The following CPPED1 variants were observed in gnomAD, a reference collection of about 807,000 sequenced individuals.
CPPED1 encodes calcineurin like phosphoesterase domain containing 1.
Under a neutral mutation model 28.0 loss-of-function variants are expected in CPPED1, and 28 were observed. The ratio of observed to expected loss-of-function variants is 1.00; its 90% CI spans 0.74 to 1.37. CPPED1 has a LOEUF of 1.37. Ranked by LOEUF, CPPED1 falls within the 40% of genes most tolerant of loss-of-function variation. The pLI is 0.00. For synonymous variants in CPPED1, 198 were observed against 180.2 expected, an observed-to-expected ratio of 1.10 and a Z score of -0.79; for missense variants, 504 against 416.5, an observed-to-expected ratio of 1.21 and a Z score of -1.83.
chr16:12,791,460 T>G (rs1201271476), intron 1 of CPPED1, among the ~76,000 whole-genome samples: 1 of 152,232 alleles, frequency 6.6e-6, no homozygotes, highest in Admixed American at 6.5e-5. Context: ...TTGCTAATTT[T>G]GCCACCATCA....
chr16:12,790,444 G>A (rs1201954259), intron 1 of CPPED1, among the ~76,000 whole-genome samples: 1 of 152,112 alleles, frequency 6.6e-6, no homozygotes, highest in African/African-American at 2.4e-5. Flanking sequence ...AAAAGCAAAT[G>A]AATCACTGTT....
intron 2 of CPPED1, among the ~76,000 whole-genome samples, chr16:12,717,894 C>T (rs1030969101): frequency 2.0e-5 from 3 of 151,708 alleles, no homozygotes; most frequent in East Asian, 1.9e-4. Context: ...TGCTCACCTC[C>T]GCCTCTCAAA....
intron 1 of CPPED1, among the ~76,000 whole-genome samples, chr16:12,802,068 C>A (rs1463695946): frequency 6.6e-6 from 1 of 152,144 alleles, no homozygotes; most frequent in Non-Finnish European, 1.5e-5. Flanking sequence ...CTTCTCAGGG[C>A]TCCCCACTGG....
At chr16:12,703,885 G>C (rs1477258624) in intron 3 of CPPED1, among the ~76,000 whole-genome samples, 2 of 152,156 alleles carry the variant, frequency 1.3e-5, no homozygotes, top group African/African-American at 4.8e-5. Flanking sequence ...GCCTTAGAGT[G>C]CCATCAGAAA....
intron 3 of CPPED1, among the ~76,000 whole-genome samples, chr16:12,694,782 C>CTT (rs1567278252): frequency 6.8e-6 from 1 of 147,590 alleles, no homozygotes; most frequent in Non-Finnish European, 1.5e-5. Context: ...AAAACCCCCC[C>CTT]CTTTTTTTTT....
chr16:12,690,509 T>C (rs2079956778), intron 3 of CPPED1, among the ~76,000 whole-genome samples: 1 of 150,638 alleles, frequency 6.6e-6, no homozygotes, highest in African/African-American at 2.4e-5. Flanking sequence ...GCAAGACTCC[T>C]TCTCAAGAAA....
At chr16:12,784,258 C>T (rs1474940004) in intron 1 of CPPED1, among the ~76,000 whole-genome samples, 3 of 152,146 alleles carry the variant, frequency 2.0e-5, no homozygotes, top group Non-Finnish European at 4.4e-5. Flanking sequence ...CCAATCCTGC[C>T]AACAACCATG....
intron 2 of CPPED1, among the ~76,000 whole-genome samples, chr16:12,723,626 G>C (rs938127460): frequency 1.3e-5 from 2 of 152,166 alleles, no homozygotes; most frequent in African/African-American, 4.8e-5. Flanking sequence ...CGGTGAGAAA[G>C]CAAATTTCTG....
rs751631120 is a variant in CPPED1 at position 12,803,711 on chromosome 16, G to A, written c.66C>T (p.Pro22=). The change falls in exon 1 of 4, where the codon CCC becomes CCT. Residue 22 remains proline (P), a synonymous_variant. Coordinates refer to ENST00000381774, the MANE Select transcript of CPPED1 (RefSeq NM_018340.3). ...CGGGTGAGGGGCGGGCAGTACCTGC[G>A]GGAAACGCGGCCAGGGTCCTGCCCC... ...RARGRTLAAF[P]AEKESEWKGP... 12 of 1,578,504 alleles carry A rather than the reference G, an allele frequency of 7.6e-6. No homozygotes were observed. The highest frequency in any genetic ancestry group is 1.4e-5 in the African/African-American group (1 of 72,510).
chr16:12,676,920 T>A (rs1273574118), intron 3 of CPPED1, among the ~76,000 whole-genome samples: 1 of 152,130 alleles, frequency 6.6e-6, no homozygotes, highest in Non-Finnish European at 1.5e-5. Context: ...AGATGTTCAG[T>A]AGTTTGCCTA....
Position 12,664,644 on chromosome 16 carries a change from G to T in CPPED1, c.*242C>A, listed in dbSNP as rs750000145. 9 of 1,336,080 alleles carry T rather than the reference G, an allele frequency of 6.7e-6. No homozygotes were observed. The highest frequency in any genetic ancestry group is 3.8e-5 in the Admixed American group (1 of 26,362). The allele number at this position is 1,336,080 out of a possible 1,614,324, so 82.8% of individuals were successfully genotyped here. A position where few individuals can be genotyped will look rare whatever the true frequency, so the allele number is the denominator to read the frequency against. On this transcript the variant is annotated 3_prime_UTR_variant, in exon 4 of 4. Coordinates refer to ENST00000381774, the MANE Select transcript of CPPED1 (RefSeq NM_018340.3). This position sits in a 1 kb window ranked among gnomAD's most constrained non-coding sequence, Gnocchi z 4.2. ...GAATTTATTCAAACATCCATGCAGAGATAGTCTAATATTTTAAAAACTGAT... is the reference window on the plus strand; with the variant it reads ...GAATTTATTCAAACATCCATGCAGATATAGTCTAATATTTTAAAAACTGAT...
chr16:12,686,519 T>G (rs1477519567), intron 3 of CPPED1, among the ~76,000 whole-genome samples: 1 of 152,228 alleles, frequency 6.6e-6, no homozygotes, highest in Non-Finnish European at 1.5e-5. Context: ...GTCAATAAAC[T>G]TCTTGTATCA....
At chr16:12,739,283 T>C (rs978427644) in intron 2 of CPPED1, among the ~76,000 whole-genome samples, 13 of 152,098 alleles carry the variant, frequency 8.5e-5, no homozygotes, top group African/African-American at 3.1e-4. Context: ...ACCTGTCCAT[T>C]AATACCAAAG....
intron 3 of CPPED1, among the ~76,000 whole-genome samples, chr16:12,672,484 C>G (rs1459458771): frequency 1.3e-5 from 2 of 152,172 alleles, no homozygotes; most frequent in African/African-American, 4.8e-5. Flanking sequence ...TGCCAAATAC[C>G]ATTAATATGT....
intron 1 of CPPED1, among the ~76,000 whole-genome samples, chr16:12,786,074 G>A (rs992551795): frequency 6.6e-6 from 1 of 152,208 alleles, no homozygotes; most frequent in African/African-American, 2.4e-5. Context: ...CTGGCAATGA[G>A]CCTGATGAAG....
chr16:12,788,340 G>T (rs1042247540), intron 1 of CPPED1, among the ~76,000 whole-genome samples: 3 of 152,020 alleles, frequency 2.0e-5, no homozygotes, highest in Non-Finnish European at 4.4e-5. Context: ...TAAACCTGAG[G>T]GCTAGTCTCA....
At chr16:12,695,855 G>A (rs1447123194) in intron 3 of CPPED1, among the ~76,000 whole-genome samples, 7 of 152,144 alleles carry the variant, frequency 4.6e-5, no homozygotes, top group Admixed American at 1.3e-4. Flanking sequence ...CCTGATTTAC[G>A]AATTATTCTT....
At chr16:12,717,645 T>C (rs778886850) in intron 2 of CPPED1, among the ~76,000 whole-genome samples, 1 of 151,898 alleles carries the variant, frequency 6.6e-6, no homozygotes, top group African/African-American at 2.4e-5. Flanking sequence ...CACATAATAA[T>C]AATTATTATT....
intron 2 of CPPED1, among the ~76,000 whole-genome samples, chr16:12,706,162 TA>T (rs1346170381): frequency 3.3e-5 from 5 of 151,978 alleles, no homozygotes; most frequent in African/African-American, 1.2e-4. Context: ...ATCTTTAATA[TA>T]TAGTAAGTTA....
Sources: gnomAD v4.1 joint callset for allele counts (sites outside exome capture counted in the v4.1 genomes callset) on GRCh38, gnomAD v4.1.1 for gene constraint, Gnocchi (gnomAD v3.1) non-coding constraint, MANE v1.5 for transcripts, NCBI Gene and HGNC (gene_info 2026-07-23, HGNC 2026-07-21) for gene names.